The following ANXA13 variants were observed in gnomAD, a reference collection of about 807,000 sequenced individuals.
The protein encoded by ANXA13 is annexin A13.
Under a neutral mutation model 46.6 loss-of-function variants are expected in ANXA13, and 36 were observed. The observed-to-expected ratio is 0.77, with a 90% confidence interval of 0.59 to 1.02. The LOEUF (loss-of-function observed/expected upper bound fraction) is 1.02. Ranked by LOEUF, ANXA13 falls within the 50% of genes least tolerant of loss-of-function variation. The pLI is 0.00. For missense variants in ANXA13, 417 were observed against 396.5 expected (o/e 1.05, Z -0.44); for synonymous variants, 163 against 152.9 (o/e 1.07, Z -0.49).
intron 1 of ANXA13, among the ~76,000 whole-genome samples, chr8:123,725,259 T>C (rs917293279): frequency 6.6e-6 from 1 of 152,224 alleles, no homozygotes; most frequent in Non-Finnish European, 1.5e-5. Context: ...GTAACCCATA[T>C]ATTTGGCAAC....
intron 1 of ANXA13, among the ~76,000 whole-genome samples, chr8:123,735,113 CA>C (rs35085268): frequency 0.45 from 48,806 of 108,404 alleles, 7,922 homozygotes; most frequent in East Asian, 0.65. Context: ...AAGTAAAACT[CA>C]AAAAAAAAAA....
At chr8:123,707,590 C>G (rs1363780711) in intron 2 of ANXA13, among the ~76,000 whole-genome samples, 2 of 152,070 alleles carry the variant, frequency 1.3e-5, no homozygotes, top group Non-Finnish European at 2.9e-5. Flanking sequence ...CAAACTAACA[C>G]AGGAACAGAA....
chr8:123,711,233 T>A (rs1349873831), intron 2 of ANXA13, among the ~76,000 whole-genome samples: 2 of 152,246 alleles, frequency 1.3e-5, no homozygotes, highest in African/African-American at 4.8e-5. Context: ...AATGTCAGGT[T>A]ACCAGGCATG....
chr8:123,716,746 G>A (rs2129908715), intron 1 of ANXA13, among the ~76,000 whole-genome samples: 1 of 152,208 alleles, frequency 6.6e-6, no homozygotes, highest in Non-Finnish European at 1.5e-5. Flanking sequence ...GAATGTAGAT[G>A]GAGCGGACAT....
intron 1 of ANXA13, chr8:123,729,258 C>G (rs1334581493): frequency 6.6e-6 from 1 of 152,146 alleles, no homozygotes; most frequent in Non-Finnish European, 1.5e-5. Flanking sequence ...TATGGCCATG[C>G]CTCCCTCTCA....
intron 3 of ANXA13, among the ~76,000 whole-genome samples, chr8:123,700,722 CTCTT>C (rs919497303): frequency 4.6e-5 from 7 of 152,118 alleles, no homozygotes; most frequent in East Asian, 3.9e-4. Context: ...CCTTCTTCCT[CTCTT>C]TCTTTCTCTC....
chr8:123,712,064 G>A (rs2018018), intron 2 of ANXA13: 47,837 of 154,060 alleles, frequency 0.31, 7,615 homozygotes, highest in South Asian at 0.46. Context: ...ATCTTGAATC[G>A]TAGCTCCCAT....
chr8:123,684,596 G>C lies in ANXA13; in HGVS notation c.831+14C>G. ...AAGTTGCAGCCGCCTCTTTGGAGTC[G>C]GAGTGTGTCTTACCTCGGCCCTGGT... On this transcript the variant is annotated intron_variant, in intron 10 of 10. Transcript: ENST00000419625. The C allele has an allele frequency of 6.4e-7, 1 of 1,573,680 alleles. No individual in the cohort carries two copies. The highest frequency in any genetic ancestry group is 8.7e-7 in the Non-Finnish European group (1 of 1,143,630).
intron 1 of ANXA13, among the ~76,000 whole-genome samples, chr8:123,723,340 C>T (rs1317438441): frequency 6.6e-6 from 1 of 152,200 alleles, no homozygotes; most frequent in East Asian, 1.9e-4. Context: ...AAGCTGAAGC[C>T]TCCCCTTTCT....
intron 2 of ANXA13, among the ~76,000 whole-genome samples, chr8:123,707,925 A>G (rs1180895057): frequency 6.6e-6 from 1 of 152,198 alleles, no homozygotes; most frequent in Admixed American, 6.5e-5. Flanking sequence ...CCAGATTGCA[A>G]AACAGTCCTG....
At chr8:123,731,055 A>G (rs924466292) in intron 1 of ANXA13, among the ~76,000 whole-genome samples, 1 of 152,182 alleles carries the variant, frequency 6.6e-6, no homozygotes, top group African/African-American at 2.4e-5. Flanking sequence ...TTATGCTTCA[A>G]CTGTCATTCT....
intron 8 of ANXA13, among the ~76,000 whole-genome samples, chr8:123,689,463 C>T (rs1335403381): frequency 6.6e-6 from 1 of 151,850 alleles, no homozygotes; most frequent in African/African-American, 2.4e-5. Context: ...AATAAGTAGG[C>T]ATGGTGAAGT....
At chr8:123,701,570 A>G (rs1813448111) in intron 3 of ANXA13, among the ~76,000 whole-genome samples, 1 of 152,246 alleles carries the variant, frequency 6.6e-6, no homozygotes, top group African/African-American at 2.4e-5. Context: ...TATTTTCATC[A>G]AAAATTACAT....
chr8:123,698,362 TC>T, intron 4 of ANXA13, 26 bp downstream of exon 4: 1 of 1,610,528 alleles, frequency 6.2e-7, no homozygotes, highest in Non-Finnish European at 8.5e-7. Context: ...TGTGTGATGC[TC>T]CCTTGCGGGC....
intron 3 of ANXA13, 137 bp from the exon 4 acceptor site, chr8:123,698,696 G>A: frequency 1.1e-6 from 1 of 891,562 alleles, no homozygotes; most frequent in South Asian, 1.6e-5. Context: ...GCAACCTGCT[G>A]AGAACATGCA....
In ANXA13 at chr8:123,712,735, G is replaced by C. The variant is rs1353084721; in HGVS notation, c.34C>G (p.Gln12Glu). Reference protein sequence around the residue: ...GNRHAKASSPQGFDVDRDAKK... With the variant: ...GNRHAKASSPEGFDVDRDAKK... Reference sequence around the variant, plus strand: ...GCATCTCGATCCACATCAAAACCCTGAGGACTGCTCGCTTTAGCCTGGAGA... The same window carrying C: ...GCATCTCGATCCACATCAAAACCCTCAGGACTGCTCGCTTTAGCCTGGAGA... The change falls in exon 2 of 11, where the codon CAG becomes GAG. Residue 12 changes from glutamine (Q) to glutamate (E), a missense_variant. By Grantham distance (29) the Gln-to-Glu change is conservative. Transcript: ENST00000419625. 2 of 1,614,088 alleles carry C rather than the reference G, an allele frequency of 1.2e-6. No homozygotes were observed. Among genetic ancestry groups the C allele is most frequent in the African/African-American group, 2.7e-5 (2 of 74,922 alleles).
At chr8:123,703,911 C>A (rs1324034872) in intron 2 of ANXA13, among the ~76,000 whole-genome samples, 2 of 152,184 alleles carry the variant, frequency 1.3e-5, no homozygotes, top group African/African-American at 4.8e-5. Flanking sequence ...GTTTTACCAT[C>A]AAACCCCACA....
chr8:123,701,738 G>A (rs1813450547), intron 3 of ANXA13, among the ~76,000 whole-genome samples: 1 of 139,664 alleles, frequency 7.2e-6, no homozygotes, highest in African/African-American at 2.6e-5. Context: ...AGACTTGGAT[G>A]TGAGTCCTGG....
At chr8:123,733,598 G>A (rs1311130885) in intron 1 of ANXA13, among the ~76,000 whole-genome samples, 1 of 152,206 alleles carries the variant, frequency 6.6e-6, no homozygotes, top group Non-Finnish European at 1.5e-5. Flanking sequence ...CACAAACAAC[G>A]TGGCAGACCA....
Sources: allele counts gnomAD v4.1 joint callset (sites outside exome capture counted in the v4.1 genomes callset), GRCh38; gene constraint gnomAD v4.1.1; transcripts MANE v1.5; gene names NCBI Gene and HGNC (gene_info 2026-07-23, HGNC 2026-07-21).